NALF1: variants seen among roughly 807,000 people sequenced by gnomAD.
NALF1 encodes NALCN channel auxiliary factor 1.
NALF1 carries 3 observed loss-of-function variants against 48.4 expected under a neutral mutation model. That is an observed-to-expected ratio of 0.06 (90% CI 0.03 to 0.16). NALF1 has a LOEUF of 0.16. Ranked by LOEUF, NALF1 falls within the 10% of genes least tolerant of loss-of-function variation. The pLI, the probability that NALF1 is intolerant of heterozygous loss-of-function variation, is 1.00. For synonymous variants in NALF1, 262 were observed against 245.7 expected, an observed-to-expected ratio of 1.07 and a Z score of -0.62; for missense variants, 526 against 571.5, an observed-to-expected ratio of 0.92 and a Z score of 0.81.
chr13:107,766,142 T>C (rs1877413793), intron 1 of NALF1, among the ~76,000 whole-genome samples: 1 of 152,206 alleles, frequency 6.6e-6, no homozygotes, highest in Non-Finnish European at 1.5e-5. Flanking sequence ...CAGATGTACG[T>C]GCAGCAATAA....
intron 1 of NALF1, among the ~76,000 whole-genome samples, chr13:107,817,311 A>G (rs1189984750): frequency 6.6e-6 from 1 of 152,328 alleles, no homozygotes; most frequent in East Asian, 1.9e-4. Context: ...GAGTATGAAA[A>G]CAACAATGCA....
intron 1 of NALF1, among the ~76,000 whole-genome samples, chr13:107,459,229 G>A (rs542469160): frequency 1.3e-5 from 2 of 152,052 alleles, no homozygotes; most frequent in African/African-American, 4.8e-5. Context: ...AGAAAACAAC[G>A]AACCCAATGA....
intron 1 of NALF1, among the ~76,000 whole-genome samples, chr13:107,833,867 C>T (rs9555417): frequency 0.22 from 33,351 of 151,620 alleles, 4,657 homozygotes; most frequent in East Asian, 0.41. Flanking sequence ...TATTAAAGTA[C>T]CTTAAAGCTG....
intron 1 of NALF1, among the ~76,000 whole-genome samples, chr13:107,273,769 G>A (rs568945236): frequency 6.6e-6 from 1 of 152,136 alleles, no homozygotes; most frequent in East Asian, 1.9e-4. Flanking sequence ...GGTATCCATA[G>A]AACAGAACAG....
Position 107,858,491 on chromosome 13 carries a change from G to A in NALF1, c.915+7191C>T, listed in dbSNP as rs1880491642. Among the ~76,000 whole-genome samples the A allele has an allele frequency of 2.0e-5, 3 of 152,136 alleles. 1 individual carries two copies. In the South Asian group the frequency reaches 6.2e-4, roughly 31 times the overall value. On this transcript the variant is annotated intron_variant, in intron 1 of 2. Transcript: ENST00000375915. The stretch of plus-strand genomic sequence containing the variant: ...GCATCACCCGAGGTGGAGAGTTCAA[G>A]ACCTGGCCAACATTTGGAAACCCCA...
At chr13:107,783,420 A>AG (rs916315606) in intron 1 of NALF1, among the ~76,000 whole-genome samples, 1 of 152,166 alleles carries the variant, frequency 6.6e-6, no homozygotes, top group Non-Finnish European at 1.5e-5. Context: ...TGGAATAGAA[A>AG]GCGGGGAAAG....
At chr13:107,196,987 G>A (rs1409697294) in intron 2 of NALF1, among the ~76,000 whole-genome samples, 1 of 152,156 alleles carries the variant, frequency 6.6e-6, no homozygotes, top group Non-Finnish European at 1.5e-5. Flanking sequence ...AAATTTATAT[G>A]TTGATTGGAG....
intron 1 of NALF1, among the ~76,000 whole-genome samples, chr13:107,604,200 C>T (rs1309227379): frequency 6.6e-6 from 1 of 152,172 alleles, no homozygotes; most frequent in East Asian, 1.9e-4. Context: ...TAACTGCATT[C>T]TTGCCAATAA....
At position 107,566,353 on chromosome 13, in the gene NALF1, G is replaced by A. The variant is rs115881954; in HGVS notation, c.915+299329C>T. 3.5e-3 allele frequency among the ~76,000 whole-genome samples: 530 copies of A among 152,326 alleles called. 1 individual carries two copies. The highest frequency in any genetic ancestry group is 0.012 in the African/African-American group (493 of 41,574). On this transcript the variant is annotated intron_variant, in intron 1 of 2. Transcript: ENST00000375915. ...AATAGCTACCATAACAGAGAGGTGA[G>A]GAAGTCTCTGTAGTCACAGAAGAAT...
chr13:107,599,919 T>C (rs552193496), intron 1 of NALF1, among the ~76,000 whole-genome samples: 7 of 152,326 alleles, frequency 4.6e-5, no homozygotes, highest in Admixed American at 2.6e-4. Flanking sequence ...CAACGAGTCA[T>C]ATTTAAATAA....
intron 1 of NALF1, among the ~76,000 whole-genome samples, chr13:107,276,774 T>C (rs1323545318): frequency 6.6e-6 from 1 of 152,034 alleles, no homozygotes; most frequent in Non-Finnish European, 1.5e-5. Context: ...ACATCATTTA[T>C]AAAAAAGTAA....
rs1878733203 is a variant in NALF1, at chr13:107,169,092, A to C, written c.*1405T>G. 6.6e-6 allele frequency: 1 copy of C among 152,638 alleles called. No individual in the cohort carries two copies. Among genetic ancestry groups the C allele is most frequent in the Admixed American group, 6.5e-5 (1 of 15,284 alleles). The allele number at this position is 152,638 out of a possible 1,614,324, so 9.5% of individuals were successfully genotyped here. A position where few individuals can be genotyped will look rare whatever the true frequency, so the allele number is the denominator to read the frequency against. ...ATAGAAAGCAAATTCATGTACACTCAGCAGGTGAAATGTTCCCACAAAGAA... is the reference window on the plus strand; with the variant it reads ...ATAGAAAGCAAATTCATGTACACTCCGCAGGTGAAATGTTCCCACAAAGAA... On this transcript the variant is annotated 3_prime_UTR_variant, in exon 3 of 3. Transcript: ENST00000375915.
rs35146010 is a variant in NALF1, at chr13:107,867,416, G to A, written c.-820C>T. On this transcript the variant is annotated 5_prime_UTR_variant, in exon 1 of 3. Coordinates refer to ENST00000375915, the MANE Select transcript of NALF1 (RefSeq NM_001080396.3). The surrounding 1 kb of genome is among the most constrained non-coding windows in gnomAD (Gnocchi z 4.4). ...CGGAGCTCCGGGCCGAATCGCCTGG[G>A]CTGGGCCTCCCGAGAGCCACAGTCA... Among the ~76,000 whole-genome samples the A allele has an allele frequency of 3.4e-3, 513 of 149,098 alleles. 2 individuals are homozygous for A. The highest frequency in any genetic ancestry group is 5.0e-3 in the Non-Finnish European group (337 of 66,980).
intron 1 of NALF1, among the ~76,000 whole-genome samples, chr13:107,607,577 G>T (rs539277392): frequency 9.2e-5 from 14 of 152,184 alleles, no homozygotes; most frequent in African/African-American, 3.4e-4. Context: ...TAAACAGAGG[G>T]TTATTATTTC....
intron 1 of NALF1, among the ~76,000 whole-genome samples, chr13:107,810,046 T>C (rs1177270760): frequency 6.6e-6 from 1 of 152,062 alleles, no homozygotes; most frequent in Non-Finnish European, 1.5e-5. Flanking sequence ...ATACTACTAT[T>C]TCATCTAGCT....
intron 1 of NALF1, among the ~76,000 whole-genome samples, chr13:107,808,696 G>A: frequency 7.3e-6 from 1 of 136,400 alleles, no homozygotes. Flanking sequence ...TGACTGCTTA[G>A]ATAGATTAGG....
At chr13:107,810,844 G>A (rs1878965713) in intron 1 of NALF1, among the ~76,000 whole-genome samples, 1 of 152,060 alleles carries the variant, frequency 6.6e-6, no homozygotes. Flanking sequence ...CCATAGAGAT[G>A]TTGCTTTCGC....
chr13:107,521,525 C>T lies in NALF1; in HGVS notation c.916-310770G>A, dbSNP rs1876237816. Among the ~76,000 whole-genome samples, 8 of 152,108 alleles carry T rather than the reference C, an allele frequency of 5.3e-5. No individual in the cohort carries two copies. The South Asian group carries it at 1.7e-3, about 32-fold the overall frequency. ...GGTATATTAAGTTGACTATTATATCCCCCCTTATAAAGCACTAGTTAGAAT... is the reference window on the plus strand; with the variant it reads ...GGTATATTAAGTTGACTATTATATCTCCCCTTATAAAGCACTAGTTAGAAT... On this transcript the variant is annotated intron_variant, in intron 1 of 2. Transcript: ENST00000375915.
At chr13:107,231,164 A>AT (rs1020592452) in intron 1 of NALF1, among the ~76,000 whole-genome samples, 37 of 152,090 alleles carry the variant, frequency 2.4e-4, no homozygotes, top group African/African-American at 8.9e-4. Context: ...AGTAAGTAGA[A>AT]TTTGCTTTGA....
Sources: gnomAD v4.1 joint callset for allele counts (sites outside exome capture counted in the v4.1 genomes callset) on GRCh38, gnomAD v4.1.1 for gene constraint, Gnocchi (gnomAD v3.1) non-coding constraint, MANE v1.5 for transcripts, NCBI Gene and HGNC (gene_info 2026-07-23, HGNC 2026-07-21) for gene names.